The following TIMM23 variants were observed in gnomAD, a reference collection of about 807,000 sequenced individuals.
The protein encoded by TIMM23 is mitochondrial import inner membrane translocase subunit Tim23.
In TIMM23, 19 loss-of-function variants were observed where a neutral mutation model predicts 30.7. The ratio of observed to expected loss-of-function variants is 0.62; its 90% CI spans 0.43 to 0.91. TIMM23 has a LOEUF of 0.91. TIMM23 is among the 40% of genes least tolerant of loss of function. TIMM23 has a pLI of 0.00. For missense variants in TIMM23, 202 were observed against 269.2 expected (o/e 0.75, Z 1.75); for synonymous variants, 78 against 98.5 (o/e 0.79, Z 1.23).
At chr10:45,996,357 G>A (rs1417096312) in intron 6 of TIMM23, among the ~76,000 whole-genome samples, 33 of 147,690 alleles carry the variant, frequency 2.2e-4, no homozygotes, top group African/African-American at 6.9e-4. Flanking sequence ...GCAAGACTCC[G>A]TCTCAAAAAA....
intron 4 of TIMM23, among the ~76,000 whole-genome samples, chr10:45,983,352 A>G (rs1554914365): frequency 6.6e-6 from 1 of 152,230 alleles, no homozygotes; most frequent in Non-Finnish European, 1.5e-5. Flanking sequence ...TGAAGTTCTT[A>G]CTGTCTTGAC....
At position 45,994,789 on chromosome 10, in the gene TIMM23, A is replaced by T. The variant is rs1471293962; in HGVS notation, c.514+5942A>T. Among the ~76,000 whole-genome samples, 4 of 151,540 alleles carry T rather than the reference A, an allele frequency of 2.6e-5. No homozygotes were observed. The East Asian group carries it at 7.8e-4, about 29-fold the overall frequency. On this transcript the variant is annotated intron_variant, in intron 6 of 6. Transcript: ENST00000580018. ...ATTTAAAGAGTACATTGGGGATTGG[A>T]AATAGTTTAGATCAGCAGGGATTAG...
chr10:45,992,850 C>T (rs1186218942), intron 6 of TIMM23, among the ~76,000 whole-genome samples: 8 of 152,282 alleles, frequency 5.3e-5, no homozygotes, highest in East Asian at 1.9e-4. Flanking sequence ...ACCACCACGC[C>T]GGGCCAAGCC....
At position 45,972,618 on chromosome 10, in the gene TIMM23, C is replaced by T. The variant is rs1554911934; in HGVS notation, c.-7C>T. 1 of 1,612,746 alleles carries T rather than the reference C, an allele frequency of 6.2e-7. No individual in the cohort carries two copies. The highest frequency in any genetic ancestry group is 8.5e-7 in the Non-Finnish European group (1 of 1,179,200). On this transcript the variant is annotated 5_prime_UTR_variant, in exon 1 of 7. Coordinates refer to ENST00000580018, the MANE Select transcript of TIMM23 (RefSeq NM_006327.4). ...GCGGCGGGAACCACTCGGTTTGCTG[C>T]GATACCATGGAAGGAGGCGGGGGAA...
chr10:45,997,341 AAT>A (rs1370175816), intron 6 of TIMM23, among the ~76,000 whole-genome samples: 30 of 152,178 alleles, frequency 2.0e-4, no homozygotes, highest in African/African-American at 7.0e-4. Flanking sequence ...TATAAAAAAA[AAT>A]GGTGTGATTC....
intron 2 of TIMM23, among the ~76,000 whole-genome samples, chr10:45,980,641 C>G (rs1249728671): frequency 2.6e-4 from 40 of 151,882 alleles, no homozygotes; most frequent in Non-Finnish European, 5.9e-5. Flanking sequence ...ACATTGATAC[C>G]CATTCTTGGA....
At chr10:45,990,504 C>T (rs1231097821) in intron 6 of TIMM23, among the ~76,000 whole-genome samples, 2 of 151,452 alleles carry the variant, frequency 1.3e-5, no homozygotes, top group Non-Finnish European at 2.9e-5. Context: ...TCACTGTAGC[C>T]TTGACCTCCT....
intron 5 of TIMM23, among the ~76,000 whole-genome samples, chr10:45,988,385 C>T (rs1554915150): frequency 1.3e-5 from 2 of 151,992 alleles, no homozygotes; most frequent in African/African-American, 4.8e-5. Context: ...ATGGCCAGTT[C>T]CAAGACAGAA....
intron 5 of TIMM23, 53 bp downstream of exon 5, chr10:45,985,494 A>G (rs1590118333): frequency 3.2e-5 from 51 of 1,600,028 alleles, no homozygotes; most frequent in Non-Finnish European, 3.9e-5. Flanking sequence ...ATGCACAAAT[A>G]TCATGAACAA....
chr10:45,988,895 G>A (rs1411433754), intron 6 of TIMM23, 48 bp downstream of exon 6: 15 of 1,580,664 alleles, frequency 9.5e-6, no homozygotes, highest in South Asian at 2.2e-5. Flanking sequence ...CTTGAAGTGC[G>A]CTTTTTAAAA....
chr10:45,985,233 T>A, intron 4 of TIMM23, 150 bp from the exon 5 acceptor site: 1 of 719,124 alleles, frequency 1.4e-6, no homozygotes. Context: ...AAACCATCCT[T>A]ATTGAAATCG....
rs1425391659 is a variant in TIMM23, at chr10:46,003,333, C to T, written c.*15C>T. On this transcript the variant is annotated 3_prime_UTR_variant, in exon 7 of 7. Transcript: ENST00000580018. ...AGTCACTCTGAAGATTTTGCCAACT[C>T]ATGAATGGAGGACACTTCAGTAGTC... is the stretch of plus-strand genomic sequence containing the variant. The T allele has an allele frequency of 3.8e-6, 6 of 1,580,660 alleles. No homozygotes were observed. Among genetic ancestry groups the T allele is most frequent in the East Asian group, 2.2e-5 (1 of 44,708 alleles).
At chr10:45,980,761 A>T (rs1406325229) in intron 2 of TIMM23, among the ~76,000 whole-genome samples, 1 of 152,112 alleles carries the variant, frequency 6.6e-6, no homozygotes, top group African/African-American at 2.4e-5. Flanking sequence ...TCTTCTATAC[A>T]TTCAATATAT....
intron 6 of TIMM23, among the ~76,000 whole-genome samples, chr10:45,998,709 T>C (rs1300747302): frequency 6.6e-6 from 1 of 152,242 alleles, no homozygotes; most frequent in Admixed American, 6.5e-5. Flanking sequence ...TTGATTTTTT[T>C]TCTCTCTGGC....
intron 6 of TIMM23, chr10:45,998,403 G>A: frequency 2.0e-6 from 2 of 985,130 alleles, no homozygotes; most frequent in Non-Finnish European, 2.4e-6. Flanking sequence ...AGGTAAAACT[G>A]AAACACAAGT....
chr10:45,987,600 GTATT>G (rs1838027331), intron 5 of TIMM23, among the ~76,000 whole-genome samples: 1 of 146,512 alleles, frequency 6.8e-6, no homozygotes, highest in African/African-American at 2.5e-5. Context: ...TAACATTTGC[GTATT>G]TATTATAAAG....
intron 2 of TIMM23, among the ~76,000 whole-genome samples, chr10:45,980,907 T>C (rs1480910920): frequency 6.6e-6 from 1 of 151,624 alleles, no homozygotes; most frequent in Non-Finnish European, 1.5e-5. Context: ...TTGATAATGT[T>C]CATCACAGCC....
rs878950075 is a variant in TIMM23 at position 45,996,397 on chromosome 10, C to T, written c.515-6806C>T. Among the ~76,000 whole-genome samples, 117 of 149,254 alleles carry T rather than the reference C, an allele frequency of 7.8e-4. 8 individuals carry two copies. The highest frequency in any genetic ancestry group is 1.7e-3 in the Admixed American group (25 of 15,144). Reference sequence around the variant, plus strand: ...ATGTTATGAAAAATTTGGAAATATTCGTCACTAGCTGTATGACCTTTTGAA... The same window carrying T: ...ATGTTATGAAAAATTTGGAAATATTTGTCACTAGCTGTATGACCTTTTGAA... On this transcript the variant is annotated intron_variant, in intron 6 of 6. Coordinates refer to ENST00000580018, the MANE Select transcript of TIMM23 (RefSeq NM_006327.4).
chr10:45,982,425 T>G, intron 2 of TIMM23, 98 bp from the exon 3 acceptor site: 1 of 1,288,106 alleles, frequency 7.8e-7, no homozygotes, highest in Non-Finnish European at 1.1e-6. Flanking sequence ...TTAAGGTTTA[T>G]TTTCTGTGAA....
Sources: allele counts gnomAD v4.1 joint callset (sites outside exome capture counted in the v4.1 genomes callset), GRCh38; gene constraint gnomAD v4.1.1; transcripts MANE v1.5; gene names NCBI Gene and HGNC (gene_info 2026-07-23, HGNC 2026-07-21).